EFCAB8: variants seen among roughly 807,000 people sequenced by gnomAD.
EFCAB8 encodes EF-hand calcium binding domain 8.
A neutral mutation model predicts 116.3 loss-of-function variants in EFCAB8; 100 were observed. The observed-to-expected ratio is 0.86, with a 90% CI of 0.73 to 1.02. The LOEUF is 1.02. Among genes scored for constraint, EFCAB8 ranks in the 50% least tolerant of loss-of-function variants. The pLI, the probability that EFCAB8 is intolerant of heterozygous loss-of-function variation, is 0.00. For missense variants in EFCAB8, 1,320 were observed against 1,416.9 expected (o/e 0.93, Z 1.10); for synonymous variants, 558 against 567.9 (o/e 0.98, Z 0.25).
chr20:32,865,931 G>A (rs898966203), intron 2 of EFCAB8, among the ~76,000 whole-genome samples: 4 of 152,114 alleles, frequency 2.6e-5, no homozygotes, highest in Non-Finnish European at 4.4e-5. Context: ...AGTTTGGGGC[G>A]AGCAGGGGTG....
rs1351197543 is a variant in EFCAB8 at position 32,877,634 on chromosome 20, T to C, written c.328-1070T>C. ...CTAGCATTCTCAGGGCTTTACCCAG[T>C]GGTCCTTGTTTACAACCCCGTTTCT... On this transcript the variant is annotated intron_variant, in intron 4 of 26. Transcript: ENST00000400522. Among the ~76,000 whole-genome samples the C allele has an allele frequency of 2.0e-5, 3 of 152,278 alleles. No individual in the cohort carries two copies. The South Asian group carries it at 6.2e-4, about 31-fold the overall frequency.
chr20:32,931,220 C>T lies in EFCAB8; in HGVS notation c.2674C>T (p.Pro892Ser), dbSNP rs1987896366. 1.3e-6 allele frequency: 2 copies of T among 1,550,486 alleles called. No individual in the cohort carries two copies. The highest frequency in any genetic ancestry group is 2.4e-5 in the South Asian group (2 of 83,876). Residue 892 changes from proline (P) to serine (S), a missense_variant, in exon 22 of 27, where the codon CCA becomes TCA. Coordinates refer to ENST00000400522, the MANE Select transcript of EFCAB8 (RefSeq NM_001143967.2). ...KDYCALIDKQ[P>S]FQSSGAKVVS... ...TTACTGCGCATTGATTGATAAACAG[C>T]CATTCCAATCCAGTGGGGCCAAGGT...
chr20:32,931,712 C>T (rs1198809141), intron 22 of EFCAB8, among the ~76,000 whole-genome samples: 9 of 152,070 alleles, frequency 5.9e-5, no homozygotes, highest in Non-Finnish European at 1.2e-4. Flanking sequence ...GAGCTGAGAT[C>T]GCGCCATTGC....
intron 14 of EFCAB8, 112 bp downstream of exon 14, chr20:32,908,524 G>A: frequency 8.8e-7 from 1 of 1,137,188 alleles, no homozygotes; most frequent in Non-Finnish European, 1.1e-6. Context: ...TGGGACTGCT[G>A]AAGCGGCTAG....
intron 20 of EFCAB8, among the ~76,000 whole-genome samples, chr20:32,925,599 T>G (rs773900631): frequency 2.2e-4 from 34 of 152,242 alleles, no homozygotes; most frequent in Non-Finnish European, 4.0e-4. Flanking sequence ...GTGATCCTCC[T>G]GCCTCAGCCT....
intron 2 of EFCAB8, among the ~76,000 whole-genome samples, chr20:32,866,892 T>TTCTC: frequency 6.6e-6 from 1 of 150,390 alleles, no homozygotes; most frequent in Non-Finnish European, 1.5e-5. Flanking sequence ...CTTCCTTTCT[T>TTCTC]TCTCTCTCTC....
intron 23 of EFCAB8, among the ~76,000 whole-genome samples, chr20:32,954,113 G>A (rs557102295): frequency 5.9e-5 from 9 of 152,148 alleles, no homozygotes; most frequent in African/African-American, 1.9e-4. Flanking sequence ...GCATGATTAC[G>A]TTTTTTGATA....
At chr20:32,948,626 A>T (rs1289024279) in intron 23 of EFCAB8, among the ~76,000 whole-genome samples, 2 of 152,194 alleles carry the variant, frequency 1.3e-5, no homozygotes, top group African/African-American at 4.8e-5. Context: ...ATCCCTCATA[A>T]GCATAAATAC....
At position 32,917,390 on chromosome 20, in the gene EFCAB8, A is replaced by T; in HGVS notation, c.1946A>T (p.Gln649Leu). The T allele has an allele frequency of 2.6e-6, 4 of 1,551,902 alleles. No individual in the cohort carries two copies. The highest frequency in any genetic ancestry group is 3.5e-6 in the Non-Finnish European group (4 of 1,147,008). ...CTGAGCATGGCCAAGTACCGGAACC[A>T]GTTCCTTGGGACCTCCTCCTACAGT... ...DILSMAKYRN[Q>L]FLGTSSYSGD... Residue 649 changes from glutamine to leucine, a missense_variant, in exon 18 of 27, where the codon CAG (glutamine) becomes CTG (leucine). Coordinates refer to ENST00000400522, the MANE Select transcript of EFCAB8 (RefSeq NM_001143967.2).
chr20:32,954,663 C>T (rs938119406), intron 23 of EFCAB8, among the ~76,000 whole-genome samples: 1 of 152,098 alleles, frequency 6.6e-6, no homozygotes, highest in Admixed American at 6.6e-5. Context: ...TAATTTAGCT[C>T]TATGATCCAT....
chr20:32,874,980 C>T (rs552344545), intron 3 of EFCAB8, among the ~76,000 whole-genome samples: 241 of 152,150 alleles, frequency 1.6e-3, no homozygotes, highest in African/African-American at 5.5e-3. Context: ...AACTCCTAGC[C>T]TCAGGTGATC....
chr20:32,866,946 C>G lies in EFCAB8; in HGVS notation c.43-636C>G, dbSNP rs554039528. Reference sequence around the variant, plus strand: ...CTTTCGTTTCTTTTTTTTTTGAAGTCTTGCTCTGTTGCCCAGGCTGGAATG... The same window carrying G: ...CTTTCGTTTCTTTTTTTTTTGAAGTGTTGCTCTGTTGCCCAGGCTGGAATG... On this transcript the variant is annotated intron_variant, in intron 2 of 26. Coordinates refer to ENST00000400522, the MANE Select transcript of EFCAB8 (RefSeq NM_001143967.2). 6.7e-4 allele frequency among the ~76,000 whole-genome samples: 96 copies of G among 143,626 alleles called. 1 individual carries two copies. The South Asian group carries it at 0.014, about 21-fold the overall frequency. The allele number at this position is 143,626 out of a possible 152,430, so 94.2% of individuals were successfully genotyped here.
In EFCAB8 at chr20:32,938,093, A is replaced by G. The variant is rs144256734; in HGVS notation, c.2791-5543A>G. 1.3e-5 allele frequency among the ~76,000 whole-genome samples: 2 copies of G among 150,094 alleles called. 1 individual carries two copies. The highest frequency in any genetic ancestry group is 3.0e-5 in the Non-Finnish European group (2 of 67,498). On this transcript the variant is annotated intron_variant, in intron 22 of 26. Coordinates refer to ENST00000400522, the MANE Select transcript of EFCAB8 (RefSeq NM_001143967.2). The stretch of plus-strand genomic sequence containing the variant: ...ATACTAGCAAATTGAAACCAACAAC[A>G]TATGAAAATGATTATACACCATGAC...
intron 22 of EFCAB8, among the ~76,000 whole-genome samples, chr20:32,933,824 C>G (rs907819963): frequency 2.0e-5 from 3 of 151,938 alleles, no homozygotes; most frequent in Non-Finnish European, 2.9e-5. Context: ...ACTAAAAATA[C>G]AAAATTAGCC....
chr20:32,917,487 G>A lies in EFCAB8; in HGVS notation c.2043G>A (p.Ser681=), dbSNP rs1166247553. ...IFNFNASRSP[S]PLQPKRVQDV... is the part of the protein sequence containing the mutation. ...ACTTCAATGCCTCTAGGAGCCCCTCGCCCTTGCAGCCCAAGAGGGTATGTT... is the reference window on the plus strand; with the variant it reads ...ACTTCAATGCCTCTAGGAGCCCCTCACCCTTGCAGCCCAAGAGGGTATGTT... Residue 681 remains serine, a synonymous_variant, in exon 18 of 27, where the codon TCG becomes TCA. Coordinates refer to ENST00000400522, the MANE Select transcript of EFCAB8 (RefSeq NM_001143967.2). The A allele has an allele frequency of 2.0e-6, 3 of 1,512,750 alleles. No homozygotes were observed. The highest frequency in any genetic ancestry group is 2.7e-5 in the East Asian group (1 of 37,404). The allele number at this position is 1,512,750 out of a possible 1,614,324, so 93.7% of individuals were successfully genotyped here.
rs560119918 is a variant in EFCAB8 at position 32,908,602 on chromosome 20, G to T, written c.1446+190G>T. Among the ~76,000 whole-genome samples the T allele has an allele frequency of 1.6e-3, 242 of 152,276 alleles. 2 individuals carry two copies. Among genetic ancestry groups the T allele is most frequent in the African/African-American group, 5.7e-3 (235 of 41,572 alleles). ...CTGAAATCCTGTTTCTAGGCCCCCA[G>T]CCTGTCACCCTCTCTGCAGCTGCTG... On this transcript the variant is annotated intron_variant, in intron 14 of 26. Transcript: ENST00000400522.
In EFCAB8 at chr20:32,960,078, G is replaced by C. The variant is rs772979488; in HGVS notation, c.3310G>C (p.Gly1104Arg). The change falls in exon 26 of 27, where the codon GGA becomes CGA. Residue 1104 changes from glycine to arginine, a missense_variant. Gly to Arg is a moderately radical substitution (Grantham distance 125). Transcript: ENST00000400522. ...GCTCCTGCAGGTGAGCAAAGTCTTG[G>C]GAGCGGCGTATAAGCCCAAGGAACG... ...SRDKQVSKVL[G>R]AAYKPKERLQ... is the part of the protein sequence containing the mutation. 72 of 1,551,590 alleles carry C rather than the reference G, an allele frequency of 4.6e-5. No individual in the cohort carries two copies. The Middle Eastern group carries it at 8.3e-4, about 18-fold the overall frequency.
intron 2 of EFCAB8, among the ~76,000 whole-genome samples, chr20:32,866,586 A>G (rs1984413958): frequency 6.6e-6 from 1 of 151,724 alleles, no homozygotes; most frequent in South Asian, 2.1e-4. Context: ...CCCCCAGTGG[A>G]GGGGTCTGTA....
At chr20:32,871,486 T>C (rs1022550968) in intron 3 of EFCAB8, among the ~76,000 whole-genome samples, 4 of 152,072 alleles carry the variant, frequency 2.6e-5, no homozygotes, top group African/African-American at 9.7e-5. Context: ...TGCTATGCTG[T>C]ATTCCTTGCT....
Sources: gnomAD v4.1 joint callset for allele counts (sites outside exome capture counted in the v4.1 genomes callset) on GRCh38, gnomAD v4.1.1 for gene constraint, MANE v1.5 for transcripts, NCBI Gene and HGNC (gene_info 2026-07-23, HGNC 2026-07-21) for gene names.